SMYD3: variants seen among roughly 807,000 people sequenced by gnomAD.
The protein encoded by SMYD3 is SET and MYND domain containing 3, also known as histone-lysine N-methyltransferase SMYD3.
SMYD3 carries 36 observed loss-of-function variants against 57.7 expected under a neutral mutation model. The observed-to-expected ratio is 0.62, with a 90% CI of 0.48 to 0.82. The LOEUF (loss-of-function observed/expected upper bound fraction) is 0.82, where lower values mean the gene tolerates loss of function less well. SMYD3 is among the 40% of genes least tolerant of loss of function. SMYD3 has a pLI of 0.00. For missense variants in SMYD3, 515 were observed against 538.8 expected, an observed-to-expected ratio of 0.96 and a Z score of 0.44; for synonymous variants, 211 against 195.0, an observed-to-expected ratio of 1.08 and a Z score of -0.68.
chr1:246,034,122 T>C (rs1048688862), intron 5 of SMYD3, among the ~76,000 whole-genome samples: 3 of 152,200 alleles, frequency 2.0e-5, no homozygotes, highest in African/African-American at 7.2e-5. Flanking sequence ...GCTCATTAAA[T>C]GTTAATTTCT....
Position 246,336,855 on chromosome 1 carries a change from G to A in SMYD3, c.229-1381C>T, listed in dbSNP as rs1050193555. Among the ~76,000 whole-genome samples, 12 of 152,154 alleles carry A rather than the reference G, an allele frequency of 7.9e-5. 1 individual carries two copies. Among genetic ancestry groups the A allele is most frequent in the Non-Finnish European group, 1.0e-4 (7 of 68,014 alleles). On this transcript the variant is annotated intron_variant, in intron 2 of 11. Transcript: ENST00000490107. ...CTGCATTACATTTGAGTATTTGTAC[G>A]TCACATTTATTTGAGATGCCTTACA...
intron 10 of SMYD3, among the ~76,000 whole-genome samples, chr1:245,815,888 T>C (rs1456460971): frequency 6.6e-6 from 1 of 152,184 alleles, no homozygotes; most frequent in Non-Finnish European, 1.5e-5. Context: ...ACCTGGGTCT[T>C]GTGATTCCAA....
At position 245,863,854 on chromosome 1, in the gene SMYD3, T is replaced by C. The variant is rs2051685405; in HGVS notation, c.846A>G (p.Val282=). 4 of 1,614,062 alleles carry C rather than the reference T, an allele frequency of 2.5e-6. No homozygotes were observed. Among genetic ancestry groups the C allele is most frequent in the African/African-American group, 1.3e-5 (1 of 74,932 alleles). The change falls in exon 9 of 12, where the codon GTA becomes GTG. Residue 282 remains valine, a synonymous_variant. Coordinates refer to ENST00000490107, the MANE Select transcript of SMYD3 (RefSeq NM_001167740.2). ...TCAGGGATTCTTGAACTTCCTTCCA[T>C]ACTTGCTCATCACCAGTTAGCATAT... is the stretch of plus-strand genomic sequence containing the variant. ...DADMLTGDEQ[V]WKEVQESLKK... is the part of the protein sequence containing the mutation.
At chr1:245,896,500 C>T (rs1235499132) in intron 8 of SMYD3, among the ~76,000 whole-genome samples, 1 of 151,512 alleles carries the variant, frequency 6.6e-6, no homozygotes, top group Non-Finnish European at 1.5e-5. Context: ...AAGTAGGTGG[C>T]AGTAGGTACA....
At chr1:246,434,338 G>T (rs2067339068) in intron 1 of SMYD3, among the ~76,000 whole-genome samples, 1 of 152,168 alleles carries the variant, frequency 6.6e-6, no homozygotes, top group South Asian at 2.1e-4. Flanking sequence ...ATTATCAACA[G>T]AGTAAACAGA....
intron 10 of SMYD3, among the ~76,000 whole-genome samples, chr1:245,817,016 C>CG (rs1453717543): frequency 6.6e-6 from 1 of 151,094 alleles, no homozygotes; most frequent in Non-Finnish European, 1.5e-5. Flanking sequence ...ACAAAGCAGC[C>CG]GGGAAGCTCG....
intron 5 of SMYD3, among the ~76,000 whole-genome samples, chr1:245,939,550 C>A (rs761812502): frequency 1.3e-5 from 2 of 152,070 alleles, no homozygotes; most frequent in Non-Finnish European, 2.9e-5. Flanking sequence ...TCGCTTGAAC[C>A]CAGGAGGCAG....
At chr1:246,222,755 G>T (rs1426003610) in intron 5 of SMYD3, among the ~76,000 whole-genome samples, 1 of 152,118 alleles carries the variant, frequency 6.6e-6, no homozygotes, top group Non-Finnish European at 1.5e-5. Flanking sequence ...AGAACTCAAT[G>T]TTCTACAATC....
chr1:246,446,208 T>G (rs1314784363), intron 1 of SMYD3, among the ~76,000 whole-genome samples: 2 of 152,226 alleles, frequency 1.3e-5, no homozygotes, highest in African/African-American at 4.8e-5. Context: ...CCCAAAATCA[T>G]GGCTCATTTT....
chr1:246,129,295 G>A (rs2061553620), intron 5 of SMYD3, among the ~76,000 whole-genome samples: 1 of 151,812 alleles, frequency 6.6e-6, no homozygotes, highest in Admixed American at 6.6e-5. Flanking sequence ...TCAATTTTGG[G>A]GTCATGAAAG....
intron 5 of SMYD3, among the ~76,000 whole-genome samples, chr1:246,220,561 C>A (rs1450342024): frequency 6.6e-6 from 1 of 152,160 alleles, no homozygotes; most frequent in Non-Finnish European, 1.5e-5. Context: ...TGGCTTCTCT[C>A]TGCTATCGAT....
intron 5 of SMYD3, among the ~76,000 whole-genome samples, chr1:245,994,445 C>A (rs913397787): frequency 6.6e-6 from 1 of 152,164 alleles, no homozygotes; most frequent in Non-Finnish European, 1.5e-5. Context: ...GTCCACGTGT[C>A]GGATGGCTAG....
At chr1:246,494,204 T>C (rs956698746) in intron 1 of SMYD3, among the ~76,000 whole-genome samples, 3 of 152,250 alleles carry the variant, frequency 2.0e-5, no homozygotes, top group African/African-American at 7.2e-5. Flanking sequence ...CAAGGCCTTC[T>C]GTATCACAGA....
chr1:246,086,491 G>A (rs770665092), intron 5 of SMYD3, among the ~76,000 whole-genome samples: 2 of 151,376 alleles, frequency 1.3e-5, no homozygotes, highest in Non-Finnish European at 2.9e-5. Context: ...AGAGGCTACG[G>A]ATATATTTTC....
At chr1:246,027,173 G>T (rs970169742) in intron 5 of SMYD3, among the ~76,000 whole-genome samples, 3 of 152,194 alleles carry the variant, frequency 2.0e-5, no homozygotes, top group African/African-American at 7.2e-5. Flanking sequence ...AGAAACGGTG[G>T]AAAGTAGCAG....
intron 5 of SMYD3, among the ~76,000 whole-genome samples, chr1:245,944,925 G>A (rs955759128): frequency 2.0e-5 from 3 of 152,094 alleles, no homozygotes; most frequent in African/African-American, 7.2e-5. Context: ...GGGGGAACTG[G>A]CTAGCCATAT....
At chr1:246,121,432 CAA>C (rs10646615) in intron 5 of SMYD3, among the ~76,000 whole-genome samples, 65 of 100,298 alleles carry the variant, frequency 6.5e-4, no homozygotes, top group African/African-American at 1.4e-3. Flanking sequence ...TTCCATTTTG[CAA>C]AAAAAAAAAA....
intron 5 of SMYD3, among the ~76,000 whole-genome samples, chr1:246,273,163 G>GC (rs368350320): frequency 9.8e-5 from 5 of 51,216 alleles, no homozygotes; most frequent in East Asian, 1.8e-3. Flanking sequence ...CTTTTTTTTG[G>GC]GGGGGGGACA....
intron 2 of SMYD3, among the ~76,000 whole-genome samples, chr1:246,350,730 C>T (rs1410807016): frequency 6.6e-6 from 1 of 151,968 alleles, no homozygotes. Flanking sequence ...AGGCTGGAGA[C>T]GGAGTCTTGA....
Sources: gnomAD v4.1 joint callset for allele counts (sites outside exome capture counted in the v4.1 genomes callset) on GRCh38, gnomAD v4.1.1 for gene constraint, MANE v1.5 for transcripts, NCBI Gene and HGNC (gene_info 2026-07-23, HGNC 2026-07-21) for gene names.